EIF4G3: variants seen among roughly 807,000 people sequenced by gnomAD.
EIF4G3 encodes eukaryotic translation initiation factor 4 gamma 3, also known as eIF-4-gamma 3.
In EIF4G3, 34 loss-of-function variants were observed where a neutral mutation model predicts 186.4. The ratio of observed to expected loss-of-function variants is 0.18; its 90% CI spans 0.14 to 0.24. The LOEUF (loss-of-function observed/expected upper bound fraction) is 0.24. EIF4G3 is among the 10% of genes least tolerant of loss of function. The pLI is 1.00. For missense variants in EIF4G3, 1,536 were observed against 1,948.5 expected (o/e 0.79, Z 3.99); for synonymous variants, 673 against 679.5 (o/e 0.99, Z 0.15).
intron 2 of EIF4G3, among the ~76,000 whole-genome samples, chr1:21,118,280 G>A (rs2096863644): frequency 6.6e-6 from 1 of 152,146 alleles, no homozygotes; most frequent in Non-Finnish European, 1.5e-5. Flanking sequence ...TTTGAAAATA[G>A]TAAACCCTCA....
chr1:20,844,267 A>G (rs1244346834), intron 29 of EIF4G3, among the ~76,000 whole-genome samples: 1 of 152,224 alleles, frequency 6.6e-6, no homozygotes, highest in East Asian at 1.9e-4. Flanking sequence ...ACCCTCCAAC[A>G]GTGTAAAAGT....
At chr1:20,987,259 A>G (rs2079785244) in intron 7 of EIF4G3, among the ~76,000 whole-genome samples, 1 of 152,240 alleles carries the variant, frequency 6.6e-6, no homozygotes, top group Non-Finnish European at 1.5e-5. Context: ...CTAACAAATT[A>G]TATAACAGAA....
At position 20,860,492 on chromosome 1, in the gene EIF4G3, T is replaced by C; in HGVS notation, c.3137A>G (p.Asp1046Gly). 6.2e-7 allele frequency: 1 copy of C among 1,614,094 alleles called. No individual in the cohort carries two copies. Among genetic ancestry groups the C allele is most frequent in the Middle Eastern group, 1.6e-4 (1 of 6,062 alleles). Residue 1046 changes from aspartate to glycine, a missense_variant, in exon 24 of 37, where the codon GAT becomes GGT. This residue lies in a region of EIF4G3 where 110 missense variants were observed against 166.2 expected (regional missense o/e 0.66). Transcript: ENST00000602326. ...RLCNWVSRRA[D>G]QGPKTIEQIH... is the part of the protein sequence containing the mutation. ...CTGTTCGATAGTTTTAGGCCCTTGA[T>C]CTGCTCTTCGAGATACCCAATTGCA...
At chr1:20,931,497 T>C (rs2095307839) in intron 14 of EIF4G3, among the ~76,000 whole-genome samples, 1 of 152,152 alleles carries the variant, frequency 6.6e-6, no homozygotes, top group Non-Finnish European at 1.5e-5. Flanking sequence ...TTAAGGGCCT[T>C]AGGACTTTCC....
chr1:20,956,398 A>C (rs764202278), intron 12 of EIF4G3, among the ~76,000 whole-genome samples: 3 of 152,144 alleles, frequency 2.0e-5, no homozygotes, highest in Non-Finnish European at 4.4e-5. Context: ...CAGAATCAAC[A>C]GAGGAGAGGC....
intron 2 of EIF4G3, among the ~76,000 whole-genome samples, chr1:21,151,078 T>C (rs1213306708): frequency 6.6e-6 from 1 of 152,134 alleles, no homozygotes; most frequent in African/African-American, 2.4e-5. Flanking sequence ...ATGAACACTG[T>C]TGCATAACCA....
At position 21,040,809 on chromosome 1, in the gene EIF4G3, C is replaced by T. The variant is rs2093527944; in HGVS notation, c.-67+10057G>A. Among the ~76,000 whole-genome samples the T allele has an allele frequency of 2.0e-5, 3 of 152,178 alleles. No individual in the cohort carries two copies. The South Asian group carries it at 6.2e-4, about 32-fold the overall frequency. On this transcript the variant is annotated intron_variant, in intron 4 of 36. Coordinates refer to ENST00000602326, the MANE Select transcript of EIF4G3 (RefSeq NM_001391906.1). ...CTTAAAAGGCAGACAAGACTGAAAACCTAAAGAGTATGCAGCTGTAAAAAC... is the reference window on the plus strand; with the variant it reads ...CTTAAAAGGCAGACAAGACTGAAAATCTAAAGAGTATGCAGCTGTAAAAAC...
chr1:20,841,213 G>T, intron 29 of EIF4G3, 185 bp from the exon 30 acceptor site: 1 of 498,434 alleles, frequency 2.0e-6, no homozygotes, highest in East Asian at 3.4e-5. Flanking sequence ...AGGCTGATAT[G>T]GGCAATATTA....
chr1:21,072,273 C>A (rs967243536), intron 3 of EIF4G3, among the ~76,000 whole-genome samples: 1 of 152,178 alleles, frequency 6.6e-6, no homozygotes, highest in African/African-American at 2.4e-5. Context: ...GTGGCTCATG[C>A]CGGTAATCCC....
At chr1:21,176,567 ACGCCGCCGCCGCCGCCGC>A (rs948854829) in intron 1 of EIF4G3, among the ~76,000 whole-genome samples, 137 bp downstream of exon 1, 69 of 115,296 alleles carry the variant, frequency 6.0e-4, no homozygotes, top group African/African-American at 2.0e-3. Context: ...CACACGCCCG[ACGCCGCCGCCGCCGCCGC>A]CGCCGCCTCC....
intron 4 of EIF4G3, among the ~76,000 whole-genome samples, chr1:21,030,930 A>C (rs1002063575): frequency 2.6e-5 from 4 of 152,208 alleles, no homozygotes; most frequent in Non-Finnish European, 4.4e-5. Context: ...TCATGCCTGT[A>C]ATCCCAGCAA....
chr1:20,910,394 G>A (rs1002888269), intron 14 of EIF4G3, among the ~76,000 whole-genome samples: 1 of 152,038 alleles, frequency 6.6e-6, no homozygotes, highest in African/African-American at 2.4e-5. Flanking sequence ...GACCAGCCTG[G>A]CCAACATAGT....
At chr1:21,113,405 CTG>C (rs1192195364) in intron 2 of EIF4G3, among the ~76,000 whole-genome samples, 2 of 151,606 alleles carry the variant, frequency 1.3e-5, no homozygotes, top group African/African-American at 4.8e-5. Context: ...ATTTTGAAGT[CTG>C]TGGAAAAAAC....
intron 34 of EIF4G3, among the ~76,000 whole-genome samples, chr1:20,813,522 C>T (rs112527718): frequency 1.1e-3 from 164 of 150,842 alleles, no homozygotes; most frequent in African/African-American, 3.9e-3. Context: ...TAAGCAATGA[C>T]TGCACCACTG....
chr1:21,090,998 TAAA>T (rs1557911799), intron 2 of EIF4G3, among the ~76,000 whole-genome samples: 1 of 152,168 alleles, frequency 6.6e-6, no homozygotes, highest in South Asian at 2.1e-4. Context: ...AGTTCTGAAA[TAAA>T]AAAGGAAGTT....
At chr1:20,981,256 T>C in intron 8 of EIF4G3, 29 bp from the exon 9 acceptor site, 1 of 1,525,636 alleles carries the variant, frequency 6.6e-7, no homozygotes, top group South Asian at 1.3e-5. Flanking sequence ...AAAAATTTTT[T>C]TTTTTTTTTA....
rs183877445 is a variant in EIF4G3, at chr1:20,851,222, A to G, written c.3772+36T>C. 712 of 1,596,104 alleles carry G rather than the reference A, an allele frequency of 4.5e-4. 6 individuals carry two copies. The Admixed American group carries it at 0.011, about 26-fold the overall frequency. On this transcript the variant is annotated intron_variant, in intron 28 of 36. Coordinates refer to ENST00000602326, the MANE Select transcript of EIF4G3 (RefSeq NM_001391906.1). The stretch of plus-strand genomic sequence containing the variant: ...TTTTATTTTTCCTTCCAAATTTAAA[A>G]CCCAAATCTGCATCTGTTTAAGCCA...
At chr1:21,026,774 A>T (rs2092158122) in intron 4 of EIF4G3, among the ~76,000 whole-genome samples, 1 of 151,800 alleles carries the variant, frequency 6.6e-6, no homozygotes, top group African/African-American at 2.4e-5. Context: ...TCATGGCAAA[A>T]CCCTGTCTCT....
chr1:21,124,528 G>A (rs1417192015), intron 2 of EIF4G3, among the ~76,000 whole-genome samples: 1 of 152,154 alleles, frequency 6.6e-6, no homozygotes, highest in Admixed American at 6.5e-5. Context: ...TAAACAAGAA[G>A]ACGGCCAGAC....
Sources: allele counts gnomAD v4.1 joint callset (sites outside exome capture counted in the v4.1 genomes callset), GRCh38; gene constraint gnomAD v4.1.1; regional missense constraint gnomAD v4.1.1; transcripts MANE v1.5; gene names NCBI Gene and HGNC (gene_info 2026-07-23, HGNC 2026-07-21).